The following CCDC7 variants were observed in gnomAD, a reference collection of about 807,000 sequenced individuals.
CCDC7 encodes coiled-coil domain containing 7.
In CCDC7, 183 loss-of-function variants were observed where a neutral mutation model predicts 196.9. That is an observed-to-expected ratio of 0.93 (90% CI 0.82 to 1.05). CCDC7 has a LOEUF of 1.05. CCDC7 is among the 50% of genes least tolerant of loss of function. The probability of loss-of-function intolerance (pLI) is 0.00; values close to 1 mark genes in which losing one functional copy is unlikely to be tolerated. For synonymous variants in CCDC7, 525 were observed against 484.6 expected (o/e 1.08, Z -1.10); for missense variants, 1,540 against 1,482.2 (o/e 1.04, Z -0.64).
chr10:32,825,668 T>C (rs2091008224), intron 32 of CCDC7, among the ~76,000 whole-genome samples: 1 of 152,186 alleles, frequency 6.6e-6, no homozygotes, highest in African/African-American at 2.4e-5. Context: ...TTGGGGTTTC[T>C]GGAGTTGGCT....
chr10:32,536,517 AC>A (rs2050524800), intron 11 of CCDC7, among the ~76,000 whole-genome samples: 1 of 152,124 alleles, frequency 6.6e-6, no homozygotes, highest in African/African-American at 2.4e-5. Flanking sequence ...ACTTCGGTTA[AC>A]TTTTATTTTA....
intron 4 of CCDC7, 126 bp from the exon 6 acceptor site, chr10:32,462,891 T>G: frequency 7.0e-7 from 1 of 1,435,428 alleles, no homozygotes. Context: ...GATGTTTCGG[T>G]CAGGGCTGAT....
At chr10:32,818,430 G>A (rs1464129168) in intron 31 of CCDC7, among the ~76,000 whole-genome samples, 15 of 152,054 alleles carry the variant, frequency 9.9e-5, no homozygotes, top group Non-Finnish European at 2.2e-4. Flanking sequence ...ACAGATCAAC[G>A]AGACAGAAAG....
At chr10:32,797,492 A>G (rs112842475) in intron 29 of CCDC7, among the ~76,000 whole-genome samples, 6,710 of 151,996 alleles carry the variant, frequency 0.044, 488 homozygotes, top group African/African-American at 0.15. Context: ...GAATGACACA[A>G]TGGACTTTGG....
chr10:32,604,941 G>A (rs566888533), intron 18 of CCDC7, among the ~76,000 whole-genome samples: 4 of 152,136 alleles, frequency 2.6e-5, no homozygotes, highest in East Asian at 3.9e-4. Context: ...ATCTGTTTAT[G>A]TGATATGGTT....
intron 33 of CCDC7, among the ~76,000 whole-genome samples, chr10:32,844,231 A>G (rs1021256129): frequency 2.6e-5 from 4 of 151,950 alleles, no homozygotes; most frequent in Non-Finnish European, 5.9e-5. Flanking sequence ...TCTAGCAAAA[A>G]ATTCAAATCA....
chr10:32,455,497 A>G (rs2034136605), intron 2 of CCDC7, among the ~76,000 whole-genome samples: 1 of 151,760 alleles, frequency 6.6e-6, no homozygotes, highest in Non-Finnish European at 1.5e-5. Flanking sequence ...TTGTCTTTTT[A>G]GTAGAGACGG....
chr10:32,868,425 A>G (rs867586051), intron 41 of CCDC7, among the ~76,000 whole-genome samples: 1 of 152,094 alleles, frequency 6.6e-6, no homozygotes, highest in Middle Eastern at 3.4e-3. Flanking sequence ...TGTGACCTCA[A>G]TTCTCATATG....
chr10:32,739,465 T>G (rs1412938558), intron 28 of CCDC7, among the ~76,000 whole-genome samples: 2 of 152,112 alleles, frequency 1.3e-5, no homozygotes, highest in Non-Finnish European at 2.9e-5. Context: ...ATTTCTAACA[T>G]TTCCTTTTTT....
At chr10:32,722,799 C>G (rs1038929798) in intron 25 of CCDC7, among the ~76,000 whole-genome samples, 1 of 152,012 alleles carries the variant, frequency 6.6e-6, no homozygotes, top group Non-Finnish European at 1.5e-5. Context: ...GTAACCCTCC[C>G]ATCATAGTGT....
chr10:32,452,173 G>A (rs973723813), intron 1 of CCDC7, among the ~76,000 whole-genome samples: 1 of 152,210 alleles, frequency 6.6e-6, no homozygotes. Flanking sequence ...ATGTCTGCCA[G>A]GGAAAATCAT....
At chr10:32,524,348 G>A (rs2048349028) in intron 11 of CCDC7, among the ~76,000 whole-genome samples, 1 of 151,962 alleles carries the variant, frequency 6.6e-6, no homozygotes, top group Admixed American at 6.6e-5. Context: ...GAAAAAGCTG[G>A]TATAGTTATT....
At chr10:32,693,378 A>G (rs1477019870) in intron 23 of CCDC7, among the ~76,000 whole-genome samples, 1 of 152,154 alleles carries the variant, frequency 6.6e-6, no homozygotes, top group Non-Finnish European at 1.5e-5. Flanking sequence ...AAAGATAACT[A>G]TCTCTCTATT....
At chr10:32,634,609 C>G (rs147729988) in intron 19 of CCDC7, among the ~76,000 whole-genome samples, 1 of 152,226 alleles carries the variant, frequency 6.6e-6, no homozygotes, top group African/African-American at 2.4e-5. Flanking sequence ...GTTGATCAGG[C>G]TGGTCTCGAA....
chr10:32,610,295 G>T (rs1461728185), intron 18 of CCDC7, among the ~76,000 whole-genome samples: 1 of 151,904 alleles, frequency 6.6e-6, no homozygotes, highest in African/African-American at 2.4e-5. Context: ...TAGTAGAGAC[G>T]GGATTTCACC....
intron 18 of CCDC7, among the ~76,000 whole-genome samples, chr10:32,593,098 G>C (rs546899127): frequency 2.6e-5 from 4 of 152,168 alleles, no homozygotes; most frequent in Non-Finnish European, 5.9e-5. Context: ...GGTATTTCTA[G>C]TTCTAGATCC....
chr10:32,805,252 A>G (rs113427601), intron 30 of CCDC7, among the ~76,000 whole-genome samples, 154 bp downstream of exon 31: 4 of 152,200 alleles, frequency 2.6e-5, no homozygotes, highest in African/African-American at 9.6e-5. Context: ...ACTCTAGAAC[A>G]TATTTACTAG....
chr10:32,550,757 C>G (rs774425001), intron 13 of CCDC7, among the ~76,000 whole-genome samples: 9 of 152,112 alleles, frequency 5.9e-5, no homozygotes, highest in Non-Finnish European at 1.3e-4. Flanking sequence ...CCCAGTTGAT[C>G]ATGGTGGACT....
chr10:32,737,096 G>A (rs1207201938), intron 28 of CCDC7, among the ~76,000 whole-genome samples: 1 of 152,038 alleles, frequency 6.6e-6, no homozygotes, highest in Non-Finnish European at 1.5e-5. Context: ...GCCAAATGAT[G>A]TTTCTTCATT....
Sources: allele counts gnomAD v4.1 joint callset (sites outside exome capture counted in the v4.1 genomes callset), GRCh38; gene constraint gnomAD v4.1.1; transcripts MANE v1.5; gene names NCBI Gene and HGNC (gene_info 2026-07-23, HGNC 2026-07-21).